ZNF385D: variants seen among roughly 807,000 people sequenced by gnomAD.
ZNF385D encodes the protein zinc finger protein 659.
ZNF385D carries 15 observed loss-of-function variants against 35.8 expected under a neutral mutation model. The observed-to-expected ratio is 0.42, with a 90% CI of 0.28 to 0.64. ZNF385D has a LOEUF of 0.64. Among genes scored for constraint, ZNF385D ranks in the 30% least tolerant of loss-of-function variants. The pLI is 0.23. For synonymous variants in ZNF385D, 212 were observed against 186.8 expected (o/e 1.13, Z -1.10); for missense variants, 474 against 494.6 (o/e 0.96, Z 0.39).
At chr3:21,527,468 A>G (rs1307632216) in intron 3 of ZNF385D, among the ~76,000 whole-genome samples, 2 of 152,170 alleles carry the variant, frequency 1.3e-5, no homozygotes, top group Non-Finnish European at 2.9e-5. Context: ...TCTACTCCTA[A>G]AATATTAATA....
intron 3 of ZNF385D, among the ~76,000 whole-genome samples, chr3:21,934,675 CTT>C (rs924879682): frequency 6.6e-6 from 1 of 152,158 alleles, no homozygotes; most frequent in African/African-American, 2.4e-5. Context: ...AAGAGGGACT[CTT>C]AGTGATACAA....
At chr3:21,708,887 TAAC>T (rs1473451846) in intron 1 of ZNF385D, among the ~76,000 whole-genome samples, 7 of 146,798 alleles carry the variant, frequency 4.8e-5, no homozygotes, top group East Asian at 2.0e-4. Context: ...ACACACACAC[TAAC>T]AACAACAATA....
intron 2 of ZNF385D, among the ~76,000 whole-genome samples, chr3:21,626,413 A>C (rs2065136114): frequency 6.6e-6 from 1 of 152,156 alleles, no homozygotes; most frequent in Admixed American, 6.6e-5. Context: ...CATTAAATTT[A>C]AGTAATAAAA....
chr3:21,788,472 C>G (rs2071793619), intron 3 of ZNF385D, among the ~76,000 whole-genome samples: 1 of 152,196 alleles, frequency 6.6e-6, no homozygotes. Context: ...GAGCGAGACT[C>G]TGAATTACCT....
At chr3:21,946,744 A>C (rs973151015) in intron 3 of ZNF385D, among the ~76,000 whole-genome samples, 2 of 152,206 alleles carry the variant, frequency 1.3e-5, no homozygotes, top group African/African-American at 2.4e-5. Flanking sequence ...AAGCAGGAGA[A>C]ACACTTGAAC....
chr3:21,885,734 C>CTGTGTG (rs773651077), intron 3 of ZNF385D, among the ~76,000 whole-genome samples: 1,853 of 131,876 alleles, frequency 0.014, 30 homozygotes, highest in South Asian at 0.057. Context: ...CAGGGTGTGT[C>CTGTGTG]TGTGTCTGTG....
intron 3 of ZNF385D, among the ~76,000 whole-genome samples, chr3:21,796,554 T>C (rs58254851): frequency 1.4e-5 from 2 of 146,828 alleles, no homozygotes; most frequent in Non-Finnish European, 3.0e-5. Flanking sequence ...GCAAAAAAAA[T>C]TTTTTTTTAA....
intron 2 of ZNF385D, among the ~76,000 whole-genome samples, chr3:22,216,784 C>G (rs759682715): frequency 6.6e-6 from 1 of 152,092 alleles, no homozygotes; most frequent in African/African-American, 2.4e-5. Context: ...GGCCATGTGA[C>G]AGAGGTCTCG....
chr3:21,709,210 G>A (rs935298746), intron 1 of ZNF385D, among the ~76,000 whole-genome samples: 4 of 152,002 alleles, frequency 2.6e-5, no homozygotes, highest in Admixed American at 6.6e-5. Flanking sequence ...AGGATCTCAC[G>A]TTCCTTTCAG....
At chr3:21,471,129 A>G (rs1254387922) in intron 4 of ZNF385D, among the ~76,000 whole-genome samples, 1 of 152,170 alleles carries the variant, frequency 6.6e-6, no homozygotes, top group Non-Finnish European at 1.5e-5. Flanking sequence ...GATCAGACAC[A>G]TATGTCATAG....
chr3:22,098,189 T>A (rs1012391917), intron 3 of ZNF385D, among the ~76,000 whole-genome samples: 1 of 152,072 alleles, frequency 6.6e-6, no homozygotes, highest in African/African-American at 2.4e-5. Flanking sequence ...TTACGACCAA[T>A]AAAATATCAC....
chr3:21,786,134 T>C (rs2071680023), intron 3 of ZNF385D, among the ~76,000 whole-genome samples: 1 of 152,110 alleles, frequency 6.6e-6, no homozygotes, highest in Admixed American at 6.5e-5. Context: ...CTGTTCAACA[T>C]CACAAACGTA....
chr3:21,657,903 AT>A (rs1164023580), intron 2 of ZNF385D, among the ~76,000 whole-genome samples: 4 of 152,032 alleles, frequency 2.6e-5, no homozygotes, highest in Non-Finnish European at 5.9e-5. Context: ...AGGTAATAAA[AT>A]ACAGAGCCAG....
At chr3:21,781,120 G>C (rs186564534) in intron 3 of ZNF385D, among the ~76,000 whole-genome samples, 2 of 152,142 alleles carry the variant, frequency 1.3e-5, no homozygotes, top group East Asian at 3.9e-4. Context: ...AGGTAACCCG[G>C]AAGAGATATG....
At chr3:22,292,845 A>G (rs1332530656) in intron 2 of ZNF385D, among the ~76,000 whole-genome samples, 2 of 152,088 alleles carry the variant, frequency 1.3e-5, no homozygotes, top group African/African-American at 2.4e-5. Flanking sequence ...AGAAAAAGAG[A>G]GAGAGAATTT....
chr3:21,757,286 G>C (rs1289952060), intron 3 of ZNF385D, among the ~76,000 whole-genome samples: 1 of 151,850 alleles, frequency 6.6e-6, no homozygotes, highest in Non-Finnish European at 1.5e-5. Flanking sequence ...GGGACTACAG[G>C]AGCATGCCAC....
intron 2 of ZNF385D, among the ~76,000 whole-genome samples, chr3:22,254,792 A>G (rs906868946): frequency 1.3e-5 from 2 of 151,856 alleles, no homozygotes; most frequent in East Asian, 3.9e-4. Context: ...AAGGGTTACT[A>G]AGCAAAATCG....
intron 3 of ZNF385D, among the ~76,000 whole-genome samples, chr3:22,156,583 G>T (rs2125730885): frequency 6.6e-6 from 1 of 152,146 alleles, no homozygotes; most frequent in South Asian, 2.1e-4. Context: ...TCTTGGGCTG[G>T]CAATTAGTTT....
chr3:21,931,584 C>T (rs1052250210), intron 3 of ZNF385D, among the ~76,000 whole-genome samples: 2 of 152,020 alleles, frequency 1.3e-5, no homozygotes, highest in Non-Finnish European at 2.9e-5. Context: ...CATGTCTCAG[C>T]AATAAACAAG....
Sources: gnomAD v4.1 joint callset for allele counts (sites outside exome capture counted in the v4.1 genomes callset) on GRCh38, gnomAD v4.1.1 for gene constraint, MANE v1.5 for transcripts, NCBI Gene and HGNC (gene_info 2026-07-23, HGNC 2026-07-21) for gene names.